The following C17orf99 variants were observed in gnomAD, a reference collection of about 807,000 sequenced individuals.
C17orf99 encodes the protein protein IL-40.
A neutral mutation model predicts 22.6 loss-of-function variants in C17orf99; 18 were observed. The ratio of observed to expected loss-of-function variants is 0.80; its 90% CI spans 0.55 to 1.18. The LOEUF (loss-of-function observed/expected upper bound fraction) is 1.18, where lower values mean the gene tolerates loss of function less well. Ranked by LOEUF, C17orf99 falls within the 50% of genes most tolerant of loss-of-function variation. C17orf99 has a pLI of 0.00. For synonymous variants in C17orf99, 147 were observed against 136.6 expected (o/e 1.08, Z -0.53); for missense variants, 328 against 342.7 (o/e 0.96, Z 0.34).
rs892558937 is a variant in C17orf99 at position 78,157,527 on chromosome 17, G to T, written c.71-3428G>T. The T allele has an allele frequency of 2.2e-4, 235 of 1,050,516 alleles. 1 individual carries two copies. The highest frequency in any genetic ancestry group is 1.2e-3 in the South Asian group (91 of 75,100). 65.1% of individuals were successfully genotyped at this position (1,050,516 alleles called of 1,614,324 possible). ...AAAAATGACTTTGTAGGCCGGGCGC[G>T]GTGGCTCACGCCCGTAATCCCATCA... On this transcript the variant is annotated intron_variant, in intron 2 of 4. Coordinates refer to ENST00000340363, the MANE Select transcript of C17orf99 (RefSeq NM_001163075.2).
In C17orf99 at chr17:78,146,983, G is replaced by C; in HGVS notation, c.70+72G>C. The stretch of plus-strand genomic sequence containing the variant: ...CTGGTGTCAGAACCCCCATGGTGGA[G>C]GGCGCCTCGGCTGGGAAGGGAGTTA... On this transcript the variant is annotated intron_variant, in intron 2 of 4. Coordinates refer to ENST00000340363, the MANE Select transcript of C17orf99 (RefSeq NM_001163075.2). This position sits in a 1 kb window ranked among gnomAD's most constrained non-coding sequence, Gnocchi z 5.2. The C allele has an allele frequency of 7.2e-7, 1 of 1,381,090 alleles. No individual in the cohort carries two copies. Among genetic ancestry groups the C allele is most frequent in the East Asian group, 2.5e-5 (1 of 40,074 alleles). 85.6% of individuals were successfully genotyped at this position (1,381,090 alleles called of 1,614,324 possible). A position where few individuals can be genotyped will look rare whatever the true frequency, so the allele number is the denominator to read the frequency against.
In C17orf99 at chr17:78,160,611, C is replaced by T. The variant is rs142662896; in HGVS notation, c.71-344C>T. On this transcript the variant is annotated intron_variant, in intron 2 of 4. Coordinates refer to ENST00000340363, the MANE Select transcript of C17orf99 (RefSeq NM_001163075.2). ...TTTTCTTTTTTTCCTGAGTCTCCCTCTGTCGCCCAGGCTGGAGTGCAGTGG... is the reference window on the plus strand; with the variant it reads ...TTTTCTTTTTTTCCTGAGTCTCCCTTTGTCGCCCAGGCTGGAGTGCAGTGG... Among the ~76,000 whole-genome samples, 1,211 of 151,784 alleles carry T rather than the reference C, an allele frequency of 8.0e-3. 11 individuals are homozygous for T. Among genetic ancestry groups the T allele is most frequent in the African/African-American group, 0.027 (1,135 of 41,378 alleles).
rs1263270505 is a variant in C17orf99, at chr17:78,158,178, C to G, written c.71-2777C>G. The G allele has an allele frequency of 5.4e-6, 4 of 735,116 alleles. No individual in the cohort carries two copies. In the Admixed American group the frequency reaches 5.5e-5, roughly 10 times the overall value. The allele number at this position is 735,116 out of a possible 1,614,324, so 45.5% of individuals were successfully genotyped here. A position where few individuals can be genotyped will look rare whatever the true frequency, so the allele number is the denominator to read the frequency against. On this transcript the variant is annotated intron_variant, in intron 2 of 4. Transcript: ENST00000340363. The stretch of plus-strand genomic sequence containing the variant: ...GTGCTGTCTGCCATGACCGAGGAGG[C>G]AGCTGCTGCAATCAAGGCTCCCAGG...
At position 78,148,219 on chromosome 17, in the gene C17orf99, T is replaced by TAAAA. The variant is rs34982417; in HGVS notation, c.70+1318_70+1321dup. Among the ~76,000 whole-genome samples, 43 of 140,688 alleles carry TAAAA rather than the reference T, an allele frequency of 3.1e-4. 2 individuals carry two copies. Among genetic ancestry groups the TAAAA allele is most frequent in the East Asian group, 1.2e-3 (6 of 4,922 alleles). 92.3% of individuals were successfully genotyped at this position (140,688 alleles called of 152,430 possible). On this transcript the variant is annotated intron_variant, in intron 2 of 4. Coordinates refer to ENST00000340363, the MANE Select transcript of C17orf99 (RefSeq NM_001163075.2). ...CCGACACAGTGAGACCCCCATCTCT[T>TAAAA]AAAAAAAAAAAAAGAAAATGGCTCG...
chr17:78,164,159 G>C lies in C17orf99; in HGVS notation c.435G>C (p.Glu145Asp), dbSNP rs2075599569. 2.6e-6 allele frequency: 4 copies of C among 1,551,642 alleles called. No homozygotes were observed. The highest frequency in any genetic ancestry group is 3.5e-6 in the Non-Finnish European group (4 of 1,147,010). The change falls in exon 4 of 5, where the codon GAG (glutamate) becomes GAC (aspartate). Residue 145 changes from glutamate to aspartate, a missense_variant. Physicochemically the swap from Glu to Asp is conservative, Grantham distance 45. Transcript: ENST00000340363. ...LQDRGAGPRV[E>D]MICQASSGSP... is the part of the protein sequence containing the mutation. ...ACAGAGGGGCAGGCCCCAGGGTGGA[G>C]ATGATCTGCCAGGCGTCCTCGGGCA...
Position 78,157,446 on chromosome 17 carries a change from G to C in C17orf99, c.71-3509G>C. 2.3e-6 allele frequency: 3 copies of C among 1,305,930 alleles called. No individual in the cohort carries two copies. In the Admixed American group the frequency reaches 5.5e-5, roughly 24 times the overall value. The allele number at this position is 1,305,930 out of a possible 1,614,324, so 80.9% of individuals were successfully genotyped here. ...TAAAATGGCAGATGATTTGGACTTC[G>C]AGACAGGAGATGCAGGGCCTCAGCG... On this transcript the variant is annotated intron_variant, in intron 2 of 4. Transcript: ENST00000340363.
chr17:78,150,053 G>A (rs2075469148), intron 2 of C17orf99, among the ~76,000 whole-genome samples: 1 of 150,510 alleles, frequency 6.6e-6, no homozygotes, highest in African/African-American at 2.4e-5. Flanking sequence ...ATGTTGCCCA[G>A]GTTGGAATGC....
Position 78,146,757 on chromosome 17 carries a change from G to A in C17orf99, c.38-122G>A. 1 of 935,680 alleles carries A rather than the reference G, an allele frequency of 1.1e-6. No homozygotes were observed. Among genetic ancestry groups the A allele is most frequent in the South Asian group, 1.5e-5 (1 of 67,958 alleles). The allele number at this position is 935,680 out of a possible 1,614,324, so 58.0% of individuals were successfully genotyped here. On this transcript the variant is annotated intron_variant, in intron 1 of 4. Coordinates refer to ENST00000340363, the MANE Select transcript of C17orf99 (RefSeq NM_001163075.2). This position sits in a 1 kb window ranked among gnomAD's most constrained non-coding sequence, Gnocchi z 5.2. ...GAGTGATGGTGCCAGCTGAGTCCTG[G>A]GGCCTCACTACCAAGAATCAGCCTG...
intron 2 of C17orf99, among the ~76,000 whole-genome samples, chr17:78,149,097 C>T (rs537308449): frequency 9.2e-5 from 14 of 151,856 alleles, no homozygotes; most frequent in African/African-American, 9.7e-5. Flanking sequence ...TTTGGGAGGC[C>T]GAGGCAGGCA....
At chr17:78,155,661 C>T (rs996767501) in intron 2 of C17orf99, among the ~76,000 whole-genome samples, 2 of 152,028 alleles carry the variant, frequency 1.3e-5, no homozygotes, top group African/African-American at 4.8e-5. Context: ...GAGTCTTGCT[C>T]TGTCACCCAT....
rs1293030212 is a variant in C17orf99, at chr17:78,161,017, G to A, written c.133G>A (p.Val45Met). The A allele has an allele frequency of 6.4e-7, 1 of 1,551,622 alleles. No individual in the cohort carries two copies. The highest frequency in any genetic ancestry group is 8.7e-7 in the Non-Finnish European group (1 of 1,146,974). ...VLEVFPKGRWVLITCCAPQPP... is the reference protein window; with the variant it reads ...VLEVFPKGRWMLITCCAPQPP... ...GGAAGTTTTCCCCAAAGGCCGCTGG[G>A]TGCTCATAACCTGCTGTGCACCCCA... is the stretch of plus-strand genomic sequence containing the variant. The change falls in exon 3 of 5, where the codon GTG becomes ATG. Residue 45 changes from valine (V) to methionine (M), a missense_variant. Physicochemically the swap from Val to Met is conservative, Grantham distance 21. Coordinates refer to ENST00000340363, the MANE Select transcript of C17orf99 (RefSeq NM_001163075.2).
At chr17:78,151,704 A>G (rs778081589) in intron 2 of C17orf99, among the ~76,000 whole-genome samples, 2 of 152,168 alleles carry the variant, frequency 1.3e-5, no homozygotes, top group African/African-American at 4.8e-5. Flanking sequence ...ACTGGAGTTA[A>G]TATTTAACAT....
chr17:78,149,111 C>T (rs557639802), intron 2 of C17orf99, among the ~76,000 whole-genome samples: 1 of 152,080 alleles, frequency 6.6e-6, no homozygotes, highest in Non-Finnish European at 1.5e-5. Context: ...GCAGGCAGAT[C>T]ACCTGAGGTC....
At chr17:78,150,680 C>T (rs921065902) in intron 2 of C17orf99, among the ~76,000 whole-genome samples, 3 of 152,140 alleles carry the variant, frequency 2.0e-5, no homozygotes, top group Admixed American at 6.5e-5. Context: ...TGAAGGCTGC[C>T]GGGATCCACA....
chr17:78,151,633 G>A (rs12601492), intron 2 of C17orf99, among the ~76,000 whole-genome samples: 8 of 151,546 alleles, frequency 5.3e-5, no homozygotes, highest in South Asian at 2.1e-4. Context: ...CCATTCTCCC[G>A]GTGTGTGTCT....
chr17:78,164,211 G>A lies in C17orf99; in HGVS notation c.487G>A (p.Gly163Arg), dbSNP rs781258940. 9.7e-6 allele frequency: 15 copies of A among 1,551,626 alleles called. No homozygotes were observed. Among genetic ancestry groups the A allele is most frequent in the South Asian group, 2.4e-5 (2 of 84,064 alleles). Residue 163 changes from glycine (G) to arginine (R), a missense_variant, in exon 4 of 5, where the codon GGG becomes AGG. Coordinates refer to ENST00000340363, the MANE Select transcript of C17orf99 (RefSeq NM_001163075.2). Reference protein sequence around the residue: ...GSPPITNSLIGKDGQVHLQQR... With the variant: ...GSPPITNSLIRKDGQVHLQQR... ...CCCACCTATCACCAACAGCCTGATC[G>A]GGAAGGATGGGCAGGTCCACCTGCA... is the stretch of plus-strand genomic sequence containing the variant.
chr17:78,147,037 G>A (rs2075442916), intron 2 of C17orf99, 126 bp downstream of exon 2: 2 of 817,436 alleles, frequency 2.4e-6, no homozygotes, highest in Non-Finnish European at 4.1e-6. Flanking sequence ...CTGGAGGATG[G>A]CTGGACAGTT....
At chr17:78,157,346 C>A in intron 2 of C17orf99, 2 of 775,890 alleles carry the variant, frequency 2.6e-6, no homozygotes, top group Non-Finnish European at 3.7e-6. Flanking sequence ...GCGGCGGCGG[C>A]GGTGGGCTCG....
At chr17:78,160,727 G>C in intron 2 of C17orf99, 1 of 545,846 alleles carries the variant, frequency 1.8e-6, no homozygotes, top group Non-Finnish European at 3.3e-6. Context: ...GGGATTACAG[G>C]TGGGCACCAC....
Sources: gnomAD v4.1 joint callset for allele counts (sites outside exome capture counted in the v4.1 genomes callset) on GRCh38, gnomAD v4.1.1 for gene constraint, Gnocchi (gnomAD v3.1) non-coding constraint, MANE v1.5 for transcripts, NCBI Gene and HGNC (gene_info 2026-07-23, HGNC 2026-07-21) for gene names.